The following SLIT1 variants were observed in gnomAD, a reference collection of about 807,000 sequenced individuals.
The protein encoded by SLIT1 is slit guidance ligand 1.
Under a neutral mutation model 186.1 loss-of-function variants are expected in SLIT1, and 66 were observed. The observed-to-expected ratio is 0.35, with a 90% confidence interval of 0.29 to 0.44. The LOEUF (loss-of-function observed/expected upper bound fraction) is 0.44. Ranked by LOEUF, SLIT1 falls within the 20% of genes least tolerant of loss-of-function variation. The pLI is 1.00. For missense variants in SLIT1, 1,638 were observed against 2,037.4 expected (o/e 0.80, Z 3.77); for synonymous variants, 761 against 833.8 (o/e 0.91, Z 1.50).
chr10:97,117,490 A>G (rs1485687501), intron 4 of SLIT1, among the ~76,000 whole-genome samples: 2 of 152,234 alleles, frequency 1.3e-5, no homozygotes, highest in Non-Finnish European at 2.9e-5. Context: ...AAAAAAAGGA[A>G]TATGACTATT....
intron 4 of SLIT1, among the ~76,000 whole-genome samples, chr10:97,141,701 C>CGTATCGTATTGTATCGTACT (rs1849763198): frequency 1.0e-5 from 1 of 96,354 alleles, no homozygotes; most frequent in African/African-American, 6.3e-5. Context: ...CGTATCGTAT[C>CGTATCGTATTGTATCGTACT]GTATTGTATT....
intron 22 of SLIT1, among the ~76,000 whole-genome samples, chr10:97,037,296 G>T (rs918170300): frequency 1.3e-5 from 2 of 152,012 alleles, no homozygotes; most frequent in Non-Finnish European, 2.9e-5. Flanking sequence ...GTTTCTCCAT[G>T]TTGATCAGGC....
At chr10:97,078,867 G>A (rs1458959930) in intron 4 of SLIT1, among the ~76,000 whole-genome samples, 4 of 152,228 alleles carry the variant, frequency 2.6e-5, no homozygotes, top group African/African-American at 4.8e-5. Context: ...AGTCCTGGGC[G>A]GGAATGCACC....
chr10:97,014,657 A>G (rs1471012194), intron 28 of SLIT1, among the ~76,000 whole-genome samples: 1 of 152,182 alleles, frequency 6.6e-6, no homozygotes, highest in African/African-American at 2.4e-5. Context: ...ACCTGAGGTC[A>G]GGAGTTGGAG....
At position 97,010,856 on chromosome 10, in the gene SLIT1, G is replaced by A. The variant is rs1355058939; in HGVS notation, c.3341+137C>T. On this transcript the variant is annotated intron_variant, in intron 31 of 36. Coordinates refer to ENST00000266058, the MANE Select transcript of SLIT1 (RefSeq NM_003061.3). This position sits in a 1 kb window ranked among gnomAD's most constrained non-coding sequence, Gnocchi z 4.8. ...GGCTGCACAGCTGGTGACTGGCAGAGCCACGGTTAAAACCCCAGCATCCAA... is the reference window on the plus strand; with the variant it reads ...GGCTGCACAGCTGGTGACTGGCAGAACCACGGTTAAAACCCCAGCATCCAA... 10 of 787,176 alleles carry A rather than the reference G, an allele frequency of 1.3e-5. No individual in the cohort carries two copies. Among genetic ancestry groups the A allele is most frequent in the African/African-American group, 1.0e-4 (6 of 57,374 alleles). The allele number at this position is 787,176 out of a possible 1,614,324, so 48.8% of individuals were successfully genotyped here. A position where few individuals can be genotyped will look rare whatever the true frequency, so the allele number is the denominator to read the frequency against.
intron 4 of SLIT1, among the ~76,000 whole-genome samples, chr10:97,067,835 C>T (rs557225159): frequency 2.2e-4 from 34 of 152,312 alleles, no homozygotes; most frequent in African/African-American, 6.7e-4. Context: ...GGGCCAGGCC[C>T]GTGGGCTTTG....
At chr10:97,146,420 C>T (rs1369472888) in intron 4 of SLIT1, among the ~76,000 whole-genome samples, 2 of 152,118 alleles carry the variant, frequency 1.3e-5, no homozygotes, top group Non-Finnish European at 2.9e-5. Flanking sequence ...CAACTCATGC[C>T]CGTCTCTACC....
Position 97,043,400 on chromosome 10 carries a change from G to A in SLIT1, c.1967C>T (p.Ala656Val), listed in dbSNP as rs762860628. 3 of 1,613,900 alleles carry A rather than the reference G, an allele frequency of 1.9e-6. No homozygotes were observed. Among genetic ancestry groups the A allele is most frequent in the Admixed American group, 1.7e-5 (1 of 60,030 alleles). The change falls in exon 19 of 37, where the codon GCC becomes GTC. Residue 656 changes from alanine to valine, a missense_variant. Ala to Val is a moderately conservative substitution (Grantham distance 64). This residue lies in a region of SLIT1 where 1,245 missense variants were observed against 1,535.3 expected (regional missense o/e 0.81). Coordinates refer to ENST00000266058, the MANE Select transcript of SLIT1 (RefSeq NM_003061.3). This position sits in a 1 kb window ranked among gnomAD's most constrained non-coding sequence, Gnocchi z 7.0. Reference protein sequence around the residue: ...DNQITTVSPGAFDTLQSLSTL... With the variant: ...DNQITTVSPGVFDTLQSLSTL... ...GGAGAGGGACTGGAGGGTGTCGAAG[G>A]CTCCTGGGGATACGGTGGTGATCTG...
At chr10:97,013,949 C>G in intron 29 of SLIT1, 70 bp downstream of exon 29, 3 of 1,589,518 alleles carry the variant, frequency 1.9e-6, no homozygotes, top group Non-Finnish European at 2.6e-6. Context: ...CCTTCCACTC[C>G]CGAGCATGGG....
intron 4 of SLIT1, among the ~76,000 whole-genome samples, chr10:97,116,120 T>C (rs1849507732): frequency 6.6e-6 from 1 of 152,144 alleles, no homozygotes; most frequent in African/African-American, 2.4e-5. Context: ...CACGGGCTGT[T>C]GAAAGATGAG....
At chr10:97,009,184 A>T (rs996107514) in intron 31 of SLIT1, among the ~76,000 whole-genome samples, 1 of 152,176 alleles carries the variant, frequency 6.6e-6, no homozygotes, top group Non-Finnish European at 1.5e-5. Context: ...GCCAGCCAAA[A>T]CAATCTTTAA....
intron 1 of SLIT1, among the ~76,000 whole-genome samples, chr10:97,166,285 C>T (rs1280760049): frequency 1.3e-5 from 2 of 151,820 alleles, no homozygotes; most frequent in African/African-American, 2.4e-5. Context: ...GAGGCCGAGG[C>T]GGGTGGATCA....
intron 3 of SLIT1, among the ~76,000 whole-genome samples, chr10:97,159,769 G>T (rs538871522): frequency 6.6e-6 from 1 of 152,270 alleles, no homozygotes; most frequent in African/African-American, 2.4e-5. Context: ...GGAGCGTAAA[G>T]GTGGGCCTCT....
chr10:97,129,444 C>T (rs1262795413), intron 4 of SLIT1, among the ~76,000 whole-genome samples: 1 of 151,822 alleles, frequency 6.6e-6, no homozygotes, highest in Non-Finnish European at 1.5e-5. Context: ...GGATTAAGTT[C>T]AGTAACCCAT....
At position 97,068,912 on chromosome 10, in the gene SLIT1, T is replaced by G. The variant is rs2636792; in HGVS notation, c.414-2826A>C. ...CCCAGCCCCATATGTCTTGAGAGGC[T>G]CATTTCAGTCTTTGCCTGCCTAATC... On this transcript the variant is annotated intron_variant, in intron 4 of 36. Coordinates refer to ENST00000266058, the MANE Select transcript of SLIT1 (RefSeq NM_003061.3). This position sits in a 1 kb window ranked among gnomAD's most constrained non-coding sequence, Gnocchi z 4.2. 0.68 allele frequency among the ~76,000 whole-genome samples: 103,632 copies of G among 152,140 alleles called. 36,726 individuals carry two copies. Among genetic ancestry groups the G allele is most frequent in the East Asian group, 0.92 (4,752 of 5,182 alleles).
rs573835309 is a variant in SLIT1 at position 97,042,884 on chromosome 10, G to A, written c.2164+17C>T. ...CCAGGGCGCCCTCTCCCTTGCCACC[G>A]GGGGGCCACGAGTTACCTTCCTCAC... On this transcript the variant is annotated intron_variant, in intron 20 of 36. Coordinates refer to ENST00000266058, the MANE Select transcript of SLIT1 (RefSeq NM_003061.3). 9 of 1,609,964 alleles carry A rather than the reference G, an allele frequency of 5.6e-6. No individual in the cohort carries two copies. The highest frequency in any genetic ancestry group is 1.7e-4 in the Middle Eastern group (1 of 6,032).
chr10:97,041,255 T>G (rs1410791165), intron 20 of SLIT1, among the ~76,000 whole-genome samples: 1 of 152,210 alleles, frequency 6.6e-6, no homozygotes, highest in African/African-American at 2.4e-5. Flanking sequence ...GTTGTCTGAA[T>G]GTCCAGCAGC....
chr10:97,110,219 G>A (rs1849452240), intron 4 of SLIT1, among the ~76,000 whole-genome samples: 1 of 152,132 alleles, frequency 6.6e-6, no homozygotes, highest in Non-Finnish European at 1.5e-5. Flanking sequence ...AATCAAAACA[G>A]TTCCGATGAC....
chr10:97,034,438 G>A lies in SLIT1; in HGVS notation c.2438+33C>T, dbSNP rs200809485. 1.1e-4 allele frequency: 175 copies of A among 1,567,628 alleles called. 2 individuals carry two copies. The East Asian group carries it at 2.6e-3, about 24-fold the overall frequency. On this transcript the variant is annotated intron_variant, in intron 23 of 36. Transcript: ENST00000266058. ...GGGAATGACTCACAGCCATGGCCCC[G>A]GGGCCCCCCACCCCAGCCCTGCTGG...
Sources: gnomAD v4.1 joint callset for allele counts (sites outside exome capture counted in the v4.1 genomes callset) on GRCh38, gnomAD v4.1.1 for gene constraint, gnomAD v4.1.1 regional missense constraint, Gnocchi (gnomAD v3.1) non-coding constraint, MANE v1.5 for transcripts, NCBI Gene and HGNC (gene_info 2026-07-23, HGNC 2026-07-21) for gene names.